Variants in DNAH14 observed in about 807,000 individuals in gnomAD.
DNAH14 encodes dynein axonemal heavy chain 14.
DNAH14 carries 478 observed loss-of-function variants against 520.9 expected under a neutral mutation model. The ratio of observed to expected loss-of-function variants is 0.92; its 90% confidence interval spans 0.85 to 0.99. DNAH14 has a LOEUF of 0.99. Among genes scored for constraint, DNAH14 ranks in the 50% least tolerant of loss-of-function variants. DNAH14 has a pLI of 0.00. For synonymous variants in DNAH14, 1,581 were observed against 1,757.2 expected (o/e 0.90, Z 2.51); for missense variants, 4,831 against 5,234.5 (o/e 0.92, Z 2.38).
In DNAH14 at chr1:224,960,303, G is replaced by T. The variant is rs778628387; in HGVS notation, c.367+1G>T. 4.4e-6 allele frequency: 7 copies of T among 1,578,800 alleles called. No individual in the cohort carries two copies. Among genetic ancestry groups the T allele is most frequent in the Non-Finnish European group, 6.0e-6 (7 of 1,166,828 alleles). On this transcript the variant is annotated splice_donor_variant, in intron 4 of 85. Coordinates refer to ENST00000682510, the MANE Select transcript of DNAH14 (RefSeq NM_001367479.1). LOFTEE classifies it high-confidence loss of function. ...AGGCCTGTGTCCTATGATAGAACAG[G>T]TATGTGGTATCACTGAACCAATTGC...
chr1:225,384,996 C>T (rs1452979245), intron 81 of DNAH14, among the ~76,000 whole-genome samples: 1 of 152,130 alleles, frequency 6.6e-6, no homozygotes, highest in Non-Finnish European at 1.5e-5. Context: ...ACTGGCAAAC[C>T]GAATCCAGTA....
intron 42 of DNAH14, among the ~76,000 whole-genome samples, chr1:225,231,559 TAGTA>T (rs2091113913): frequency 6.6e-6 from 1 of 152,150 alleles, no homozygotes; most frequent in African/African-American, 2.4e-5. Flanking sequence ...GCCTAGCACA[TAGTA>T]AGAGCAATGT....
At chr1:225,065,394 A>T (rs2070743783) in intron 17 of DNAH14, among the ~76,000 whole-genome samples, 1 of 151,654 alleles carries the variant, frequency 6.6e-6, no homozygotes, top group African/African-American at 2.4e-5. Context: ...TGAAATGCAC[A>T]GTACACTATT....
intron 78 of DNAH14, among the ~76,000 whole-genome samples, chr1:225,375,158 C>A (rs527465364): frequency 6.6e-6 from 1 of 151,922 alleles, no homozygotes; most frequent in African/African-American, 2.4e-5. Context: ...TATAAATCAA[C>A]GATTCCATGC....
intron 28 of DNAH14, among the ~76,000 whole-genome samples, chr1:225,142,958 A>C (rs1455476246): frequency 1.3e-5 from 2 of 152,150 alleles, no homozygotes; most frequent in African/African-American, 4.8e-5. Flanking sequence ...TTTTAAAAAA[A>C]TTAATGAAAT....
chr1:225,342,407 TAC>T, intron 69 of DNAH14, among the ~76,000 whole-genome samples: 1 of 151,926 alleles, frequency 6.6e-6, no homozygotes, highest in East Asian at 1.9e-4. Context: ...GAAACCTGAG[TAC>T]AGTCACCTCA....
chr1:225,358,074 G>A lies in DNAH14; in HGVS notation c.11620-422G>A, dbSNP rs371807919. Among the ~76,000 whole-genome samples the A allele has an allele frequency of 1.4e-4, 21 of 152,220 alleles. No individual in the cohort carries two copies. In the East Asian group the frequency reaches 4.1e-3, roughly 29 times the overall value. The stretch of plus-strand genomic sequence containing the variant: ...TGCCATTTGTTTTCATTTTATTAAT[G>A]GAAGAATTAATACTTTTCCAGTTGT... On this transcript the variant is annotated intron_variant, in intron 73 of 85. Coordinates refer to ENST00000682510, the MANE Select transcript of DNAH14 (RefSeq NM_001367479.1).
At chr1:225,073,176 G>A (rs1403694231) in intron 17 of DNAH14, among the ~76,000 whole-genome samples, 3 of 152,190 alleles carry the variant, frequency 2.0e-5, no homozygotes, top group Non-Finnish European at 4.4e-5. Flanking sequence ...GAATAGGAAT[G>A]GGGTTGGGGA....
chr1:225,328,248 G>A (rs1013938801), intron 64 of DNAH14, among the ~76,000 whole-genome samples: 1 of 152,140 alleles, frequency 6.6e-6, no homozygotes, highest in Non-Finnish European at 1.5e-5. Context: ...CAGACCAACA[G>A]CAGATTTCTC....
intron 11 of DNAH14, among the ~76,000 whole-genome samples, chr1:225,025,647 C>T (rs556787684): frequency 2.0e-5 from 3 of 148,194 alleles, no homozygotes; most frequent in Non-Finnish European, 3.0e-5. Flanking sequence ...CCCAGCTCCT[C>T]GGGAGGCTGA....
chr1:225,301,138 A>G (rs2094131282), intron 56 of DNAH14, 108 bp downstream of exon 56: 2 of 1,268,008 alleles, frequency 1.6e-6, no homozygotes, highest in African/African-American at 1.5e-5. Flanking sequence ...AGATCTTTAT[A>G]TGAGTTTTTA....
At position 225,387,409 on chromosome 1, in the gene DNAH14, A is replaced by AAAT. The variant is rs1164463313; in HGVS notation, c.13078-969_13078-968insATA. ...ATAATAAATAAATAAATAAATAAAT[A>AAAT]AGAAAAGCAATGGGACAAGAGCACG... On this transcript the variant is annotated intron_variant, in intron 81 of 85. Coordinates refer to ENST00000682510, the MANE Select transcript of DNAH14 (RefSeq NM_001367479.1). 3.3e-5 allele frequency among the ~76,000 whole-genome samples: 5 copies of AAAT among 152,210 alleles called. No individual in the cohort carries two copies. The East Asian group carries it at 9.7e-4, about 29-fold the overall frequency.
At chr1:225,161,531 T>C (rs898227084) in intron 35 of DNAH14, among the ~76,000 whole-genome samples, 1 of 152,252 alleles carries the variant, frequency 6.6e-6, no homozygotes, top group Non-Finnish European at 1.5e-5. Flanking sequence ...TACCCAGCAG[T>C]AGGATTGCTG....
chr1:225,316,457 C>G (rs1221627963), intron 60 of DNAH14, among the ~76,000 whole-genome samples: 1 of 152,214 alleles, frequency 6.6e-6, no homozygotes, highest in Non-Finnish European at 1.5e-5. Context: ...CAGTTTTGTG[C>G]TTGAAATCCA....
chr1:225,398,729 A>G (rs1410838230), intron 85 of DNAH14, 63 bp downstream of exon 85: 4 of 1,520,720 alleles, frequency 2.6e-6, no homozygotes, highest in Middle Eastern at 1.7e-4. Flanking sequence ...TAATATACAA[A>G]CCACTCTTAT....
In DNAH14 at chr1:225,163,642, G is replaced by A. The variant is rs146162336; in HGVS notation, c.5445+4157G>A. 2.1e-3 allele frequency among the ~76,000 whole-genome samples: 326 copies of A among 152,266 alleles called. 1 individual carries two copies. The highest frequency in any genetic ancestry group is 7.5e-3 in the African/African-American group (312 of 41,554). On this transcript the variant is annotated intron_variant, in intron 35 of 85. Coordinates refer to ENST00000682510, the MANE Select transcript of DNAH14 (RefSeq NM_001367479.1). Reference sequence around the variant, plus strand: ...GGTTTTTGTCCTTCATTCTTTTGACGTCATGTATCCCATTGATTGATTTGT... The same window carrying A: ...GGTTTTTGTCCTTCATTCTTTTGACATCATGTATCCCATTGATTGATTTGT...
chr1:225,244,648 T>C (rs953161258), intron 43 of DNAH14, among the ~76,000 whole-genome samples: 35 of 152,186 alleles, frequency 2.3e-4, no homozygotes, highest in African/African-American at 7.5e-4. Flanking sequence ...TAGAGGTTTT[T>C]ATATTAATCT....
chr1:225,100,855 C>T lies in DNAH14; in HGVS notation c.3838C>T (p.His1280Tyr). 2 of 1,514,120 alleles carry T rather than the reference C, an allele frequency of 1.3e-6. No homozygotes were observed. The highest frequency in any genetic ancestry group is 1.4e-5 in the African/African-American group (1 of 70,640). 93.8% of individuals were successfully genotyped at this position (1,514,120 alleles called of 1,614,324 possible). ...TGAAATTCTGCAAAATTGTAATATA[C>T]ATCTTGAACATATAAAGAAAAGCCT... is the stretch of plus-strand genomic sequence containing the variant. ...VLEILQNCNI[H>Y]LEHIKKSLED... The change falls in exon 23 of 86, where the codon CAT becomes TAT. Residue 1280 changes from histidine (H) to tyrosine (Y), a missense_variant. By Grantham distance (83) the His-to-Tyr change is moderately conservative. Transcript: ENST00000682510.
At chr1:224,955,508 C>A (rs971887750) in intron 3 of DNAH14, among the ~76,000 whole-genome samples, 1 of 152,110 alleles carries the variant, frequency 6.6e-6, no homozygotes, top group African/African-American at 2.4e-5. Flanking sequence ...TACTCCCTCA[C>A]ATACTTCCAT....
Sources: gnomAD v4.1 joint callset for allele counts (sites outside exome capture counted in the v4.1 genomes callset) on GRCh38, gnomAD v4.1.1 for gene constraint, MANE v1.5 for transcripts, NCBI Gene and HGNC (gene_info 2026-07-23, HGNC 2026-07-21) for gene names.